The following NAT10 variants were observed in gnomAD, a reference collection of about 807,000 sequenced individuals.
NAT10 encodes N-acetyltransferase 10.
Under a neutral mutation model 132.2 loss-of-function variants are expected in NAT10, and 109 were observed. The ratio of observed to expected loss-of-function variants is 0.82; its 90% confidence interval spans 0.71 to 0.97. The LOEUF (loss-of-function observed/expected upper bound fraction) is 0.97, where lower values mean the gene tolerates loss of function less well. Among genes scored for constraint, NAT10 ranks in the 50% least tolerant of loss-of-function variants. NAT10 has a pLI of 0.00. For missense variants in NAT10, 1,184 were observed against 1,263.4 expected (o/e 0.94, Z 0.95); for synonymous variants, 479 against 478.0 (o/e 1.00, Z -0.03).
At chr11:34,119,891 G>T (rs1413607224) in intron 8 of NAT10, among the ~76,000 whole-genome samples, 1 of 152,190 alleles carries the variant, frequency 6.6e-6, no homozygotes, top group Non-Finnish European at 1.5e-5. Context: ...AAGAGAAGTT[G>T]CTGGATGAGA....
chr11:34,113,356 A>G (rs1459486916), intron 4 of NAT10, among the ~76,000 whole-genome samples: 1 of 150,900 alleles, frequency 6.6e-6, no homozygotes, highest in Non-Finnish European at 1.5e-5. Context: ...TTTTTGGCAT[A>G]TAAAACCAGG....
Position 34,142,329 on chromosome 11 carries a change from AAG to A in NAT10, c.2869_2870del (p.Ser957HisfsTer5). On this transcript the variant is annotated frameshift_variant, in exon 27 of 29. Coordinates refer to ENST00000257829, the MANE Select transcript of NAT10 (RefSeq NM_024662.3). LOFTEE classifies it high-confidence loss of function. ...EKHKKEVGKL[K>X]SMDLSEYIIR... ...ACACAAGAAGGAAGTAGGGAAGCTG[AAG>A]AGCATGGACCTCTCTGAGTAAGGCT... 1.2e-6 allele frequency: 2 copies of A among 1,614,176 alleles called. No homozygotes were observed. The highest frequency in any genetic ancestry group is 1.7e-6 in the Non-Finnish European group (2 of 1,180,012).
At chr11:34,132,056 G>C (rs1565115518) in intron 14 of NAT10, 69 bp from the exon 15 acceptor site, 1 of 1,166,576 alleles carries the variant, frequency 8.6e-7, no homozygotes, top group East Asian at 2.3e-5. Flanking sequence ...AATTTGTTCT[G>C]CCTCCAGAGA....
chr11:34,139,717 T>C (rs1004669126), intron 23 of NAT10, among the ~76,000 whole-genome samples: 2 of 152,154 alleles, frequency 1.3e-5, no homozygotes, highest in African/African-American at 4.8e-5. Flanking sequence ...ATGTCAGAGG[T>C]GTCCATTTAG....
At position 34,108,382 on chromosome 11, in the gene NAT10, A is replaced by T. The variant is rs779883610; in HGVS notation, c.108+49A>T. The T allele has an allele frequency of 4.1e-5, 60 of 1,468,906 alleles. 2 individuals are homozygous for T. The South Asian group carries it at 5.6e-4, about 14-fold the overall frequency. The allele number at this position is 1,468,906 out of a possible 1,614,324, so 91.0% of individuals were successfully genotyped here. On this transcript the variant is annotated intron_variant, in intron 2 of 28. Coordinates refer to ENST00000257829, the MANE Select transcript of NAT10 (RefSeq NM_024662.3). ...GAATTACTTTTTATCTTGTCCAAAGAATCAGCATGTTTAAGCACTCTGCTG... is the reference window on the plus strand; with the variant it reads ...GAATTACTTTTTATCTTGTCCAAAGTATCAGCATGTTTAAGCACTCTGCTG...
At chr11:34,141,668 G>A in intron 25 of NAT10, 51 bp from the exon 26 acceptor site, 2 of 1,548,012 alleles carry the variant, frequency 1.3e-6, no homozygotes, top group Non-Finnish European at 1.8e-6. Flanking sequence ...CGGGTGACTG[G>A]GTCCCTGCTG....
At chr11:34,146,049 A>G (rs1447649545) in intron 28 of NAT10, 35 bp from the exon 29 acceptor site, 1 of 1,424,876 alleles carries the variant, frequency 7.0e-7, no homozygotes, top group Non-Finnish European at 9.7e-7. Flanking sequence ...AGATCTGTAC[A>G]TATTTCATTC....
At chr11:34,139,658 G>A (rs192021617) in intron 23 of NAT10, 163 bp downstream of exon 23, 238 of 622,976 alleles carry the variant, frequency 3.8e-4, no homozygotes, top group Non-Finnish European at 1.6e-4. Context: ...CTCTGTCCCA[G>A]GCTGTGCTGT....
At chr11:34,116,328 G>A (rs16925184) in intron 6 of NAT10, among the ~76,000 whole-genome samples, 15,549 of 152,236 alleles carry the variant, frequency 0.1, 863 homozygotes, top group African/African-American at 0.15. Context: ...AGGCGACAAA[G>A]TGTTTCTTCT....
At chr11:34,125,504 C>T (rs1222745246) in intron 11 of NAT10, among the ~76,000 whole-genome samples, 3 of 152,240 alleles carry the variant, frequency 2.0e-5, no homozygotes, top group South Asian at 4.1e-4. Flanking sequence ...TTTCAGGCCT[C>T]TCTTTGGGCT....
chr11:34,118,561 G>GT, intron 8 of NAT10, 58 bp downstream of exon 8: 1 of 1,426,326 alleles, frequency 7.0e-7, no homozygotes, highest in Non-Finnish European at 9.6e-7. Flanking sequence ...CATACGGAGC[G>GT]TAACAGAAGC....
At chr11:34,131,250 A>T in intron 13 of NAT10, 131 bp from the exon 14 acceptor site, 1 of 1,292,400 alleles carries the variant, frequency 7.7e-7, no homozygotes, top group Non-Finnish European at 1.0e-6. Flanking sequence ...TAAACCACCC[A>T]GTTTAAATTC....
chr11:34,137,089 T>C, intron 21 of NAT10, 63 bp downstream of exon 21: 1 of 1,583,474 alleles, frequency 6.3e-7, no homozygotes. Context: ...GACAGGCCTG[T>C]CCTTGCAAAG....
intron 20 of NAT10, 28 bp from the exon 21 acceptor site, chr11:34,136,950 G>A (rs1194133889): frequency 1.2e-6 from 2 of 1,614,032 alleles, no homozygotes; most frequent in African/African-American, 2.7e-5. Flanking sequence ...GCCACACACA[G>A]TGACCTACTG....
In NAT10 at chr11:34,118,120, A is replaced by G. The variant is rs946525207; in HGVS notation, c.558-60A>G. The G allele has an allele frequency of 6.6e-6, 9 of 1,364,126 alleles. No individual in the cohort carries two copies. The African/African-American group carries it at 1.1e-4, about 17-fold the overall frequency. The allele number at this position is 1,364,126 out of a possible 1,614,324, so 84.5% of individuals were successfully genotyped here. A position where few individuals can be genotyped will look rare whatever the true frequency, so the allele number is the denominator to read the frequency against. ...GTTAATTTTTTTGAAGAAAAGTTAT[A>G]CTCTGTATAGACATTGCATGCCCTC... On this transcript the variant is annotated intron_variant, in intron 6 of 28. Transcript: ENST00000257829.
intron 21 of NAT10, 39 bp downstream of exon 21, chr11:34,137,065 C>T (rs1565117956): frequency 1.2e-6 from 2 of 1,610,918 alleles, no homozygotes; most frequent in Admixed American, 1.7e-5. Context: ...TTTAGGTTTA[C>T]CGTTATGGTA....
At position 34,130,904 on chromosome 11, in the gene NAT10, A is replaced by G. The variant is rs1852091978; in HGVS notation, c.1336A>G (p.Asn446Asp). ...AQSQVSTTAE[N>D]KTTTTARLAS... ...GAGCCAGGTCAGCACCACTGCTGAG[A>G]ATAAGACCACGACGACAGCCAGATT... The change falls in exon 13 of 29, where the codon AAT becomes GAT. Residue 446 changes from asparagine to aspartate, a missense_variant. Asn to Asp is a conservative substitution (Grantham distance 23). Transcript: ENST00000257829. The G allele has an allele frequency of 6.2e-7, 1 of 1,614,090 alleles. No individual in the cohort carries two copies. Among genetic ancestry groups the G allele is most frequent in the Non-Finnish European group, 8.5e-7 (1 of 1,180,030 alleles).
In NAT10 at chr11:34,139,510, G is replaced by T; in HGVS notation, c.2419+15G>T. The T allele has an allele frequency of 3.1e-6, 5 of 1,606,532 alleles. No homozygotes were observed. Among genetic ancestry groups the T allele is most frequent in the Non-Finnish European group, 4.3e-6 (5 of 1,173,084 alleles). ...AGCCCAGCCTGGTGAGCCGGGTGGG[G>T]ACAGGGAGGAGGGTTGGGAATGGCT... On this transcript the variant is annotated intron_variant, in intron 23 of 28. Transcript: ENST00000257829.
At chr11:34,133,546 ACATAGTAAT>A (rs1469020663) in intron 16 of NAT10, among the ~76,000 whole-genome samples, 2 of 152,206 alleles carry the variant, frequency 1.3e-5, no homozygotes, top group East Asian at 3.8e-4. Context: ...CTTTTCATAT[ACATAGTAAT>A]CTGCTTTTAT....
Sources: allele counts gnomAD v4.1 joint callset (sites outside exome capture counted in the v4.1 genomes callset), GRCh38; gene constraint gnomAD v4.1.1; transcripts MANE v1.5; gene names NCBI Gene and HGNC (gene_info 2026-07-23, HGNC 2026-07-21).